Variants in CRACR2A observed in about 807,000 individuals in gnomAD.
CRACR2A encodes calcium release activated channel regulator 2A, also known as EF-hand calcium-binding domain-containing protein 4B.
A neutral mutation model predicts 90.5 loss-of-function variants in CRACR2A; 79 were observed. The ratio of observed to expected loss-of-function variants is 0.87; its 90% confidence interval spans 0.73 to 1.05. The LOEUF is 1.05. CRACR2A is among the 50% of genes least tolerant of loss of function. The pLI is 0.00. For synonymous variants in CRACR2A, 338 were observed against 356.7 expected, an observed-to-expected ratio of 0.95 and a Z score of 0.59; for missense variants, 823 against 897.2, an observed-to-expected ratio of 0.92 and a Z score of 1.06.
chr12:3,691,151 A>G (rs1945644156), intron 4 of CRACR2A, among the ~76,000 whole-genome samples: 1 of 152,136 alleles, frequency 6.6e-6, no homozygotes, highest in South Asian at 2.1e-4. Context: ...GCCTGTTTAT[A>G]TTCAAGGTTA....
At chr12:3,636,486 C>T (rs1310627224) in intron 14 of CRACR2A, among the ~76,000 whole-genome samples, 2 of 152,230 alleles carry the variant, frequency 1.3e-5, no homozygotes, top group South Asian at 4.1e-4. Context: ...CCCCTCTGAG[C>T]TCTGACTTTC....
chr12:3,631,029 C>T lies in CRACR2A; in HGVS notation c.1735+2575G>A, dbSNP rs150130250. Among the ~76,000 whole-genome samples the T allele has an allele frequency of 2.9e-3, 440 of 152,302 alleles. 7 individuals are homozygous for T. The East Asian group carries it at 0.033, about 11-fold the overall frequency. ...CTGTTCTGGGGTTGGATAGCTTTGG[C>T]CCGAGAGGCTGTGACTCTGTGGCTG... On this transcript the variant is annotated intron_variant, in intron 15 of 19. Coordinates refer to ENST00000440314, the MANE Select transcript of CRACR2A (RefSeq NM_001144958.2).
chr12:3,692,606 T>C (rs1391149491), intron 4 of CRACR2A, among the ~76,000 whole-genome samples: 1 of 152,128 alleles, frequency 6.6e-6, no homozygotes, highest in African/African-American at 2.4e-5. Context: ...TGTAGTGTGG[T>C]GGCAGTGGGA....
chr12:3,700,998 A>T (rs779986443), intron 3 of CRACR2A, among the ~76,000 whole-genome samples: 5 of 152,220 alleles, frequency 3.3e-5, no homozygotes, highest in Non-Finnish European at 5.9e-5. Flanking sequence ...TTCAGTTTGT[A>T]CAAAGTATGT....
intron 2 of CRACR2A, among the ~76,000 whole-genome samples, chr12:3,725,511 C>T (rs995467156): frequency 6.6e-6 from 1 of 152,166 alleles, no homozygotes; most frequent in Admixed American, 6.5e-5. Context: ...CCAGATAACC[C>T]AGGATGATCT....
intron 13 of CRACR2A, among the ~76,000 whole-genome samples, chr12:3,639,729 A>G (rs1944529175): frequency 6.6e-6 from 1 of 152,244 alleles, no homozygotes; most frequent in Non-Finnish European, 1.5e-5. Context: ...ATTACGATAT[A>G]GTGCTTGCTT....
At chr12:3,666,807 G>A (rs2137542523) in intron 7 of CRACR2A, among the ~76,000 whole-genome samples, 1 of 152,300 alleles carries the variant, frequency 6.6e-6, no homozygotes, top group East Asian at 1.9e-4. Context: ...AATCTGTTGG[G>A]ATTTCAGAGG....
chr12:3,673,450 T>G lies in CRACR2A; in HGVS notation c.667A>C (p.Lys223Gln). The G allele has an allele frequency of 1.2e-6, 2 of 1,611,030 alleles. No individual in the cohort carries two copies. Among genetic ancestry groups the G allele is most frequent in the Non-Finnish European group, 1.7e-6 (2 of 1,179,234 alleles). ...GGCTGACACTGGGGTACCCACCTTTTTAGGGCACACTCCAGTTCATTCTTC... is the reference window on the plus strand; with the variant it reads ...GGCTGACACTGGGGTACCCACCTTTGTAGGGCACACTCCAGTTCATTCTTC... Reference protein sequence around the residue: ...EEKNELECALKRKIAAYDEEI... With the variant: ...EEKNELECALQRKIAAYDEEI... The change falls in exon 7 of 20, where the codon AAA becomes CAA. Residue 223 changes from lysine to glutamine, a missense_variant. Coordinates refer to ENST00000440314, the MANE Select transcript of CRACR2A (RefSeq NM_001144958.2).
At position 3,720,460 on chromosome 12, in the gene CRACR2A, A is replaced by C. The variant is rs112100008; in HGVS notation, c.-117-7143T>G. Among the ~76,000 whole-genome samples the C allele has an allele frequency of 3.4e-3, 504 of 147,732 alleles. 2 individuals are homozygous for C. Among genetic ancestry groups the C allele is most frequent in the African/African-American group, 0.012 (455 of 37,478 alleles). On this transcript the variant is annotated intron_variant, in intron 2 of 19. Coordinates refer to ENST00000440314, the MANE Select transcript of CRACR2A (RefSeq NM_001144958.2). The stretch of plus-strand genomic sequence containing the variant: ...GAAAGAAAGAAAGAAAGAAAGAAAG[A>C]AAGAAAGCAAAAGAAAAAAAGAAAC...
chr12:3,653,501 A>G (rs1944838507), intron 10 of CRACR2A, among the ~76,000 whole-genome samples: 1 of 152,156 alleles, frequency 6.6e-6, no homozygotes, highest in Admixed American at 6.5e-5. Context: ...GACAAGATAA[A>G]TGACTGACTC....
chr12:3,673,923 G>A (rs537607746), intron 6 of CRACR2A, among the ~76,000 whole-genome samples: 2 of 152,262 alleles, frequency 1.3e-5, no homozygotes, highest in Admixed American at 6.5e-5. Flanking sequence ...GTCTGACTCC[G>A]GTGTTGGCCT....
At chr12:3,643,817 T>TA (rs1267630040) in intron 12 of CRACR2A, among the ~76,000 whole-genome samples, 2 of 85,742 alleles carry the variant, frequency 2.3e-5, no homozygotes, top group South Asian at 7.7e-4. Flanking sequence ...ATATATATAT[T>TA]TATATTATAT....
At chr12:3,742,475 T>C (rs1470038792) in intron 1 of CRACR2A, among the ~76,000 whole-genome samples, 1 of 152,154 alleles carries the variant, frequency 6.6e-6, no homozygotes, top group Non-Finnish European at 1.5e-5. Flanking sequence ...TAGGTTCTAT[T>C]TGACAACATC....
At chr12:3,737,337 G>A (rs755925592) in intron 1 of CRACR2A, among the ~76,000 whole-genome samples, 2 of 152,180 alleles carry the variant, frequency 1.3e-5, no homozygotes, top group Non-Finnish European at 2.9e-5. Context: ...TCCTAATGTG[G>A]AAGAGAGTGG....
intron 10 of CRACR2A, among the ~76,000 whole-genome samples, chr12:3,650,001 C>T (rs1308643711): frequency 1.3e-5 from 2 of 152,162 alleles, no homozygotes; most frequent in African/African-American, 2.4e-5. Context: ...CTTCATTTTT[C>T]CTTCTGTGTT....
chr12:3,627,771 A>G, intron 15 of CRACR2A, 65 bp from the exon 16 acceptor site: 1 of 1,454,556 alleles, frequency 6.9e-7, no homozygotes, highest in Non-Finnish European at 9.4e-7. Context: ...CCAAATCAGG[A>G]AACAATGCTT....
intron 2 of CRACR2A, among the ~76,000 whole-genome samples, chr12:3,714,504 T>C (rs1946054811): frequency 1.3e-5 from 2 of 152,184 alleles, no homozygotes; most frequent in Admixed American, 6.5e-5. Context: ...GCCAGTGCAG[T>C]GGGAAAACAG....
chr12:3,710,657 G>A (rs909998232), intron 3 of CRACR2A, among the ~76,000 whole-genome samples: 1 of 152,118 alleles, frequency 6.6e-6, no homozygotes, highest in African/African-American at 2.4e-5. Flanking sequence ...GCTGGGCATA[G>A]TGATGCGTGC....
At chr12:3,712,174 TA>T (rs1372350302) in intron 3 of CRACR2A, among the ~76,000 whole-genome samples, 1 of 152,050 alleles carries the variant, frequency 6.6e-6, no homozygotes, top group Non-Finnish European at 1.5e-5. Context: ...GCATCAAAAA[TA>T]AAGTTCAAGT....
Sources: gnomAD v4.1 joint callset for allele counts (sites outside exome capture counted in the v4.1 genomes callset) on GRCh38, gnomAD v4.1.1 for gene constraint, MANE v1.5 for transcripts, NCBI Gene and HGNC (gene_info 2026-07-23, HGNC 2026-07-21) for gene names.